Variants in MNAT1 observed in about 807,000 individuals in gnomAD.
MNAT1 encodes the protein MNAT1 component of CDK activating kinase.
Under a neutral mutation model 42.0 loss-of-function variants are expected in MNAT1, and 43 were observed. The ratio of observed to expected loss-of-function variants is 1.02; its 90% CI spans 0.80 to 1.32. The LOEUF is 1.32. Ranked by LOEUF, MNAT1 falls within the 40% of genes most tolerant of loss-of-function variation. The pLI is 0.00. For synonymous variants in MNAT1, 118 were observed against 120.0 expected (o/e 0.98, Z 0.11); for missense variants, 306 against 350.4 (o/e 0.87, Z 1.01).
intron 7 of MNAT1, among the ~76,000 whole-genome samples, chr14:60,901,102 G>A (rs564115779): frequency 4.4e-4 from 66 of 148,962 alleles, no homozygotes; most frequent in African/African-American, 1.4e-3. Context: ...AGGAGCAAAT[G>A]CAGCTGGTGA....
rs148488950 is a variant in MNAT1, at chr14:60,942,462, A to G, written c.810-25767A>G. On this transcript the variant is annotated intron_variant, in intron 7 of 7. Coordinates refer to ENST00000261245, the MANE Select transcript of MNAT1 (RefSeq NM_002431.4). The stretch of plus-strand genomic sequence containing the variant: ...CTCTTAATTTTTTTTTTTTTTTGTA[A>G]ATTTGGACTCTTTTAGTCTTATTTA... Among the ~76,000 whole-genome samples the G allele has an allele frequency of 4.1e-3, 584 of 142,830 alleles. 8 individuals carry two copies. Among genetic ancestry groups the G allele is most frequent in the Non-Finnish European group, 2.8e-3 (180 of 64,966 alleles). The allele number at this position is 142,830 out of a possible 152,430, so 93.7% of individuals were successfully genotyped here.
At chr14:60,875,211 A>T (rs930661308) in intron 6 of MNAT1, among the ~76,000 whole-genome samples, 11 of 152,220 alleles carry the variant, frequency 7.2e-5, no homozygotes, top group Non-Finnish European at 1.5e-4. Context: ...ACCACCTAGG[A>T]TTTACTTACG....
chr14:60,796,431 TTGA>T lies in MNAT1; in HGVS notation c.242+64_242+66del, dbSNP rs1045402247. The T allele has an allele frequency of 2.7e-6, 4 of 1,456,790 alleles. No homozygotes were observed. The African/African-American group carries it at 5.7e-5, about 21-fold the overall frequency. The allele number at this position is 1,456,790 out of a possible 1,614,324, so 90.2% of individuals were successfully genotyped here. On this transcript the variant is annotated intron_variant, in intron 2 of 7. Coordinates refer to ENST00000261245, the MANE Select transcript of MNAT1 (RefSeq NM_002431.4). The stretch of plus-strand genomic sequence containing the variant: ...AGGACTTTAACAATTATGTCAGTAA[TTGA>T]TTATTATTTGCTCATAAATGTGGAC...
At chr14:60,841,392 T>C (rs2033548321) in intron 6 of MNAT1, among the ~76,000 whole-genome samples, 1 of 151,708 alleles carries the variant, frequency 6.6e-6, no homozygotes, top group African/African-American at 2.4e-5. Context: ...TTGTGTGTGT[T>C]TTTAACACAT....
At chr14:60,860,742 G>A (rs1401349858) in intron 6 of MNAT1, among the ~76,000 whole-genome samples, 1 of 152,034 alleles carries the variant, frequency 6.6e-6, no homozygotes, top group Non-Finnish European at 1.5e-5. Flanking sequence ...ACATTGTGTT[G>A]GTCTAAGGGC....
chr14:60,755,228 C>G (rs1321090205), intron 1 of MNAT1, among the ~76,000 whole-genome samples: 1 of 152,114 alleles, frequency 6.6e-6, no homozygotes, highest in Non-Finnish European at 1.5e-5. Flanking sequence ...ACTGCAACCT[C>G]TGCCTCCCAG....
intron 4 of MNAT1, among the ~76,000 whole-genome samples, chr14:60,810,164 CTT>C (rs2032499424): frequency 1.3e-5 from 2 of 152,064 alleles, no homozygotes; most frequent in African/African-American, 4.8e-5. Flanking sequence ...ATAGTAGTCT[CTT>C]ATGATCCTTT....
intron 7 of MNAT1, among the ~76,000 whole-genome samples, chr14:60,961,163 T>C (rs918740942): frequency 6.6e-6 from 1 of 152,156 alleles, no homozygotes; most frequent in African/African-American, 2.4e-5. Context: ...GGTTTCTCCA[T>C]GTTGGTCGGG....
intron 6 of MNAT1, among the ~76,000 whole-genome samples, chr14:60,872,823 A>G (rs1471618134): frequency 6.8e-6 from 1 of 147,942 alleles, no homozygotes; most frequent in Non-Finnish European, 1.5e-5. Context: ...TTGGTATTAC[A>G]TCACACACAC....
At chr14:60,921,677 T>G (rs2139553588) in intron 7 of MNAT1, among the ~76,000 whole-genome samples, 1 of 152,346 alleles carries the variant, frequency 6.6e-6, no homozygotes, top group Non-Finnish European at 1.5e-5. Context: ...TCTAATAATA[T>G]TAAATTATTT....
At chr14:60,746,541 G>A (rs1594718315) in intron 1 of MNAT1, among the ~76,000 whole-genome samples, 1 of 150,978 alleles carries the variant, frequency 6.6e-6, no homozygotes, top group East Asian at 1.9e-4. Context: ...GAAAAAATCA[G>A]TGTAGTCTGT....
chr14:60,876,260 G>A (rs2034434022), intron 6 of MNAT1, among the ~76,000 whole-genome samples: 1 of 152,022 alleles, frequency 6.6e-6, no homozygotes, highest in Non-Finnish European at 1.5e-5. Context: ...ACAGTTTCAT[G>A]TTTATTTAGA....
intron 6 of MNAT1, among the ~76,000 whole-genome samples, chr14:60,831,975 T>C (rs1298313656): frequency 6.6e-6 from 1 of 152,230 alleles, no homozygotes; most frequent in Non-Finnish European, 1.5e-5. Context: ...ATAAATGTCT[T>C]GTTTTGAGAA....
chr14:60,781,953 T>TTGTGTG (rs61229600), intron 1 of MNAT1, among the ~76,000 whole-genome samples: 3 of 146,016 alleles, frequency 2.1e-5, no homozygotes, highest in South Asian at 2.2e-4. Flanking sequence ...TGGATTTTGT[T>TTGTGTG]TGTGTGTGTG....
At chr14:60,861,108 C>T (rs1320601308) in intron 6 of MNAT1, among the ~76,000 whole-genome samples, 1 of 151,902 alleles carries the variant, frequency 6.6e-6, no homozygotes, top group African/African-American at 2.4e-5. Flanking sequence ...TATCTTGTCT[C>T]ATGTAGTGCA....
At chr14:60,787,343 A>G (rs1244261425) in intron 1 of MNAT1, among the ~76,000 whole-genome samples, 1 of 152,196 alleles carries the variant, frequency 6.6e-6, no homozygotes, top group African/African-American at 2.4e-5. Context: ...CAGTGTGCAT[A>G]CCTTAATTAA....
intron 7 of MNAT1, among the ~76,000 whole-genome samples, chr14:60,933,079 G>A (rs2035921064): frequency 6.6e-6 from 1 of 151,926 alleles, no homozygotes; most frequent in Admixed American, 6.6e-5. Context: ...TTTATGAAAT[G>A]GAGATATCTA....
At chr14:60,783,299 C>A (rs1031106257) in intron 1 of MNAT1, among the ~76,000 whole-genome samples, 4 of 152,102 alleles carry the variant, frequency 2.6e-5, no homozygotes, top group Non-Finnish European at 4.4e-5. Context: ...AGATTTCTGG[C>A]CTGCACTTAA....
chr14:60,799,274 A>G, intron 3 of MNAT1: 1 of 985,366 alleles, frequency 1.0e-6, no homozygotes, highest in Non-Finnish European at 1.2e-6. Context: ...ATGAGTGACT[A>G]TGGATTTTAG....
Sources: gnomAD v4.1 joint callset for allele counts (sites outside exome capture counted in the v4.1 genomes callset) on GRCh38, gnomAD v4.1.1 for gene constraint, MANE v1.5 for transcripts, NCBI Gene and HGNC (gene_info 2026-07-23, HGNC 2026-07-21) for gene names.